PSME4: variants seen among roughly 807,000 people sequenced by gnomAD.
PSME4 encodes the protein proteasome activator complex subunit 4.
In PSME4, 89 loss-of-function variants were observed where a neutral mutation model predicts 253.9. The ratio of observed to expected loss-of-function variants is 0.35; its 90% CI spans 0.30 to 0.42. The LOEUF is 0.42. PSME4 is among the 10% of genes least tolerant of loss of function. The pLI, the probability that PSME4 is intolerant of heterozygous loss-of-function variation, is 1.00. For synonymous variants in PSME4, 851 were observed against 759.2 expected, an observed-to-expected ratio of 1.12 and a Z score of -1.99; for missense variants, 2,014 against 2,195.2, an observed-to-expected ratio of 0.92 and a Z score of 1.65.
chr2:53,968,206 C>T (rs1358712608), intron 1 of PSME4, among the ~76,000 whole-genome samples: 1 of 148,794 alleles, frequency 6.7e-6, no homozygotes, highest in Non-Finnish European at 1.5e-5. Flanking sequence ...ACCCGAAAGG[C>T]AGGGATTGCA....
intron 2 of PSME4, among the ~76,000 whole-genome samples, chr2:53,948,863 G>C (rs192963076): frequency 1.3e-5 from 2 of 152,294 alleles, no homozygotes; most frequent in African/African-American, 4.8e-5. Context: ...GTAAGCAAAA[G>C]AATCCATGAT....
chr2:53,887,923 T>C lies in PSME4; in HGVS notation c.4455A>G (p.Arg1485=), dbSNP rs1679715672. The change falls in exon 39 of 47, where the codon AGA becomes AGG. Residue 1485 remains arginine (R), a synonymous_variant. Coordinates refer to ENST00000404125, the MANE Select transcript of PSME4 (RefSeq NM_014614.3). Reference sequence around the variant, plus strand: ...GTTTGGGTTCCAAGTACTTCAGTAGTCTGTGCAATAGTTCAGGCACTCTCC... The same window carrying C: ...GTTTGGGTTCCAAGTACTTCAGTAGCCTGTGCAATAGTTCAGGCACTCTCC... ...QEWRVPELLH[R]LLKYLEPKLT... The C allele has an allele frequency of 6.2e-7, 1 of 1,607,488 alleles. No individual in the cohort carries two copies.
intron 43 of PSME4, among the ~76,000 whole-genome samples, chr2:53,872,712 A>G (rs994803477): frequency 7.2e-6 from 1 of 139,672 alleles, no homozygotes; most frequent in African/African-American, 2.7e-5. Context: ...ACTGCACTAC[A>G]GCCTGGACAA....
rs1321603572 is a variant in PSME4 at position 53,970,761 on chromosome 2, T to G, written c.24A>C (p.Gly8=). The G allele has an allele frequency of 5.2e-6, 8 of 1,542,272 alleles. No homozygotes were observed. The highest frequency in any genetic ancestry group is 7.0e-6 in the Non-Finnish European group (8 of 1,144,396). Residue 8 remains glycine, a synonymous_variant, in exon 1 of 47, where the codon GGA becomes GGC. Coordinates refer to ENST00000404125, the MANE Select transcript of PSME4 (RefSeq NM_014614.3). MEPAERA[G]VGEPPEPGGR... is the part of the protein sequence containing the mutation. ...CGCCCGGCTCCGGGGGCTCTCCGAC[T>G]CCCGCCCGCTCGGCCGGCTCCATGA...
chr2:53,874,336 T>C lies in PSME4; in HGVS notation c.5100+3A>G, dbSNP rs1481476617. On this transcript the variant is annotated splice_donor_region_variant and intron_variant, in intron 43 of 46. Transcript: ENST00000404125. ...TTTCCGTTTTCTATAACTTAAATTTTACCTCCAGTTGTTCGTCCTCCAAAA... is the reference window on the plus strand; with the variant it reads ...TTTCCGTTTTCTATAACTTAAATTTCACCTCCAGTTGTTCGTCCTCCAAAA... 1 of 1,603,944 alleles carries C rather than the reference T, an allele frequency of 6.2e-7. No homozygotes were observed. Among genetic ancestry groups the C allele is most frequent in the Non-Finnish European group, 8.5e-7 (1 of 1,177,430 alleles).
intron 11 of PSME4, among the ~76,000 whole-genome samples, chr2:53,927,870 C>G (rs976355484): frequency 6.6e-6 from 1 of 152,072 alleles, no homozygotes; most frequent in Non-Finnish European, 1.5e-5. Flanking sequence ...TTGCTGGAAC[C>G]CAGGAGGTGG....
intron 24 of PSME4, among the ~76,000 whole-genome samples, chr2:53,907,472 G>A (rs1283123640): frequency 1.3e-5 from 2 of 152,112 alleles, no homozygotes; most frequent in Non-Finnish European, 2.9e-5. Context: ...CTTAGGCTGT[G>A]TTTTTCACCT....
At chr2:53,910,507 T>C (rs1667782483) in intron 20 of PSME4, among the ~76,000 whole-genome samples, 1 of 152,232 alleles carries the variant, frequency 6.6e-6, no homozygotes, top group Non-Finnish European at 1.5e-5. Context: ...ACAAGCTTAT[T>C]TAGATAATCA....
intron 36 of PSME4, among the ~76,000 whole-genome samples, chr2:53,891,419 T>C (rs906478987): frequency 6.6e-6 from 1 of 152,198 alleles, no homozygotes; most frequent in Admixed American, 6.5e-5. Context: ...GTCCATGGAC[T>C]GTATTTTAGT....
intron 10 of PSME4, 74 bp downstream of exon 10, chr2:53,931,761 G>A (rs1250956992): frequency 3.4e-6 from 5 of 1,485,678 alleles, no homozygotes; most frequent in Non-Finnish European, 4.6e-6. Context: ...AAGCCACAGA[G>A]GAGAAAAGAG....
rs1679763764 is a variant in PSME4, at chr2:53,888,943, G to A, written c.4297-131C>T. 1.2e-5 allele frequency: 8 copies of A among 664,712 alleles called. No homozygotes were observed. In the South Asian group the frequency reaches 2.2e-4, roughly 18 times the overall value. 41.2% of individuals were successfully genotyped at this position (664,712 alleles called of 1,614,324 possible). On this transcript the variant is annotated intron_variant, in intron 37 of 46. Coordinates refer to ENST00000404125, the MANE Select transcript of PSME4 (RefSeq NM_014614.3). ...TCTGTTGCCCAGGCTGGAGTGAAGT[G>A]GTATGATTGCCTCCCAGGCTCAAGT...
chr2:53,929,782 C>A (rs1668737442), intron 10 of PSME4, among the ~76,000 whole-genome samples: 1 of 152,060 alleles, frequency 6.6e-6, no homozygotes, highest in African/African-American at 2.4e-5. Context: ...CTTTGGGAGG[C>A]CAAGGCAGGC....
rs916197193 is a variant in PSME4 at position 53,908,490 on chromosome 2, C to T, written c.2685+20G>A. 2 of 1,609,426 alleles carry T rather than the reference C, an allele frequency of 1.2e-6. No individual in the cohort carries two copies. The highest frequency in any genetic ancestry group is 2.7e-5 in the African/African-American group (2 of 74,688). On this transcript the variant is annotated intron_variant, in intron 23 of 46. Transcript: ENST00000404125. Reference sequence around the variant, plus strand: ...CTTGATCGTATTAATCATTATGCAACTATCAAATGACAAATGTACCTTTAT... The same window carrying T: ...CTTGATCGTATTAATCATTATGCAATTATCAAATGACAAATGTACCTTTAT...
intron 14 of PSME4, among the ~76,000 whole-genome samples, chr2:53,925,085 A>C (rs1407227790): frequency 6.6e-6 from 1 of 152,244 alleles, no homozygotes. Context: ...TCTTATGCTT[A>C]GGAACCCTCA....
chr2:53,959,474 C>A (rs1670383881), intron 1 of PSME4, among the ~76,000 whole-genome samples: 1 of 152,128 alleles, frequency 6.6e-6, no homozygotes, highest in South Asian at 2.1e-4. Context: ...TCTGAACGAC[C>A]CCCTCAATTA....
rs199641226 is a variant in PSME4 at position 53,899,906 on chromosome 2, G to T, written c.3397C>A (p.Gln1133Lys). Residue 1133 changes from glutamine (Q) to lysine (K), a missense_variant, in exon 29 of 47, where the codon CAG (glutamine) becomes AAG (lysine). Coordinates refer to ENST00000404125, the MANE Select transcript of PSME4 (RefSeq NM_014614.3). ...EKIKEGIKRQ[Q>K]EKNADALRNY... ...CTTAGGGCATCGGCATTCTTTTCCTGTTGGCGTTTAATTCCTTCCTTAATT... is the reference window on the plus strand; with the variant it reads ...CTTAGGGCATCGGCATTCTTTTCCTTTTGGCGTTTAATTCCTTCCTTAATT... 6.8e-6 allele frequency: 11 copies of T among 1,613,326 alleles called. No homozygotes were observed. The highest frequency in any genetic ancestry group is 9.3e-6 in the Non-Finnish European group (11 of 1,179,478).
rs543717741 is a variant in PSME4, at chr2:53,908,254, C to T, written c.2784+66G>A. ...ACTTCTTCTATATGCTGAATAATAC[C>T]CAAATTACGAGGTTATTATACGACT... is the stretch of plus-strand genomic sequence containing the variant. On this transcript the variant is annotated intron_variant, in intron 24 of 46. Transcript: ENST00000404125. 5.5e-5 allele frequency: 69 copies of T among 1,265,118 alleles called. No homozygotes were observed. In the African/African-American group the frequency reaches 6.9e-4, roughly 13 times the overall value. 78.4% of individuals were successfully genotyped at this position (1,265,118 alleles called of 1,614,324 possible).
In PSME4 at chr2:53,937,353, C is replaced by T. The variant is rs200356732; in HGVS notation, c.695+38G>A. On this transcript the variant is annotated intron_variant, in intron 5 of 46. Coordinates refer to ENST00000404125, the MANE Select transcript of PSME4 (RefSeq NM_014614.3). ...TAGTTTCTTTATCTGTATTTCCTAC[C>T]GTATTTTTAGAATTTGTCAAGATAT... 2,125 of 1,474,304 alleles carry T rather than the reference C, an allele frequency of 1.4e-3. 5 individuals are homozygous for T. Among genetic ancestry groups the T allele is most frequent in the Non-Finnish European group, 1.8e-3 (1,966 of 1,088,616 alleles). The allele number at this position is 1,474,304 out of a possible 1,614,324, so 91.3% of individuals were successfully genotyped here.
chr2:53,895,536 G>A (rs374937399), intron 33 of PSME4, 47 bp downstream of exon 33: 1 of 1,541,694 alleles, frequency 6.5e-7, no homozygotes, highest in Non-Finnish European at 8.7e-7. Context: ...TGATAAAGCA[G>A]TTATATCAAA....
Sources: gnomAD v4.1 joint callset for allele counts (sites outside exome capture counted in the v4.1 genomes callset) on GRCh38, gnomAD v4.1.1 for gene constraint, MANE v1.5 for transcripts, NCBI Gene and HGNC (gene_info 2026-07-23, HGNC 2026-07-21) for gene names.